Variants in AKAP13 observed in about 807,000 individuals in gnomAD.
AKAP13 encodes A-kinase anchoring protein 13, also known as A-kinase anchor protein 13.
A neutral mutation model predicts 264.5 loss-of-function variants in AKAP13; 80 were observed. That is an observed-to-expected ratio of 0.30 (90% CI 0.25 to 0.36). The LOEUF (loss-of-function observed/expected upper bound fraction) is 0.36. Ranked by LOEUF, AKAP13 falls within the 10% of genes least tolerant of loss-of-function variation. AKAP13 has a pLI of 1.00. For synonymous variants in AKAP13, 1,380 were observed against 1,250.2 expected, an observed-to-expected ratio of 1.10 and a Z score of -2.19; for missense variants, 3,712 against 3,435.2, an observed-to-expected ratio of 1.08 and a Z score of -2.01.
At chr15:85,653,721 G>A (rs1301444971) in intron 10 of AKAP13, among the ~76,000 whole-genome samples, 4 of 151,876 alleles carry the variant, frequency 2.6e-5, no homozygotes, top group Non-Finnish European at 5.9e-5. Context: ...GACTAATTTG[G>A]AAAATATTGT....
chr15:85,486,824 C>T (rs769985196), intron 2 of AKAP13, among the ~76,000 whole-genome samples: 4 of 149,096 alleles, frequency 2.7e-5, no homozygotes, highest in African/African-American at 4.9e-5. Flanking sequence ...CTGCGAGCTC[C>T]GCCTCCCAGG....
intron 1 of AKAP13, among the ~76,000 whole-genome samples, chr15:85,458,009 G>A (rs1196625234): frequency 1.3e-5 from 2 of 151,820 alleles, no homozygotes; most frequent in East Asian, 3.9e-4. Context: ...GTGTGGTGGC[G>A]CCCGCCTGTA....
At chr15:85,390,094 A>G (rs1174516591) in intron 1 of AKAP13, among the ~76,000 whole-genome samples, 2 of 152,150 alleles carry the variant, frequency 1.3e-5, no homozygotes, top group Non-Finnish European at 2.9e-5. Flanking sequence ...TATATGACAT[A>G]CCTTGTAGGG....
In AKAP13 at chr15:85,564,280, A is replaced by T. The variant is rs577138886; in HGVS notation, c.663-10851A>T. ...AAAAGATGCAAGAAACGTGCAATGA[A>T]CTCCTATATATCCTTCATCCAAATT... On this transcript the variant is annotated intron_variant, in intron 5 of 36. Transcript: ENST00000394518. 4.6e-5 allele frequency among the ~76,000 whole-genome samples: 7 copies of T among 152,128 alleles called. No homozygotes were observed. In the South Asian group the frequency reaches 1.5e-3, roughly 32 times the overall value.
At chr15:85,632,701 T>G (rs2081893635) in intron 8 of AKAP13, among the ~76,000 whole-genome samples, 1 of 152,204 alleles carries the variant, frequency 6.6e-6, no homozygotes, top group South Asian at 2.1e-4. Context: ...GTATATAATT[T>G]TGTAAAATAT....
rs774719753 is a variant in AKAP13, at chr15:85,669,824, T to C, written c.5095T>C (p.Leu1699=). 7 of 1,601,152 alleles carry C rather than the reference T, an allele frequency of 4.4e-6. No individual in the cohort carries two copies. The highest frequency in any genetic ancestry group is 6.0e-6 in the Non-Finnish European group (7 of 1,168,334). ...ATTAATGACAATCAGCCATCCTGGA[T>C]TGGACAGTGAGTATACTACTTTTTA... is the stretch of plus-strand genomic sequence containing the variant. ...ISLMTISHPG[L]DNSRPFHSTF... is the part of the protein sequence containing the mutation. The change falls in exon 14 of 37, where the codon TTG becomes CTG. Residue 1699 remains leucine, a synonymous_variant. Transcript: ENST00000394518.
At chr15:85,572,728 A>G (rs549400860) in intron 5 of AKAP13, among the ~76,000 whole-genome samples, 1 of 152,028 alleles carries the variant, frequency 6.6e-6, no homozygotes, top group South Asian at 2.1e-4. Flanking sequence ...GTGCAGGTTT[A>G]TTACATAGGT....
rs376849148 is a variant in AKAP13, at chr15:85,580,266, C to G, written c.2198C>G (p.Pro733Arg). The change falls in exon 7 of 37, where the codon CCT becomes CGT. Residue 733 changes from proline (P) to arginine (R), a missense_variant. Physicochemically the swap from Pro to Arg is moderately radical, Grantham distance 103. This residue lies in a region of AKAP13 where 2,759 missense variants were observed against 2,411.7 expected (regional missense o/e 1.14). Transcript: ENST00000394518. Reference sequence around the variant, plus strand: ...ACCCAGGAACGTGCGGATTTTTGTCCTTTCAAAGTGGTGGATAACAAAGGC... The same window carrying G: ...ACCCAGGAACGTGCGGATTTTTGTCGTTTCAAAGTGGTGGATAACAAAGGC... ...RDTQERADFC[P>R]FKVVDNKGQR... The G allele has an allele frequency of 1.2e-6, 2 of 1,614,064 alleles. No homozygotes were observed. The highest frequency in any genetic ancestry group is 2.7e-5 in the African/African-American group (2 of 74,914).
intron 1 of AKAP13, among the ~76,000 whole-genome samples, chr15:85,459,413 G>T (rs2074417727): frequency 6.8e-6 from 1 of 146,648 alleles, no homozygotes; most frequent in Non-Finnish European, 1.5e-5. Flanking sequence ...TGGCCAGGCT[G>T]GTTTTGAATG....
intron 2 of AKAP13, among the ~76,000 whole-genome samples, chr15:85,515,152 C>A (rs2076560380): frequency 7.2e-6 from 1 of 138,312 alleles, no homozygotes; most frequent in African/African-American, 2.9e-5. Context: ...AATTTTATAC[C>A]TTTTAACTTC....
chr15:85,608,699 T>G (rs2080464896), intron 8 of AKAP13, among the ~76,000 whole-genome samples: 1 of 152,206 alleles, frequency 6.6e-6, no homozygotes, highest in African/African-American at 2.4e-5. Context: ...ATGATTGTTC[T>G]GAGAGCCGGG....
intron 23 of AKAP13, among the ~76,000 whole-genome samples, chr15:85,720,393 T>C (rs1305679951): frequency 6.6e-6 from 1 of 152,124 alleles, no homozygotes; most frequent in Admixed American, 6.5e-5. Flanking sequence ...ATCTGTAAAA[T>C]GCTTAATAAA....
chr15:85,570,945 CATT>C (rs2078797200), intron 5 of AKAP13, among the ~76,000 whole-genome samples: 2 of 151,540 alleles, frequency 1.3e-5, no homozygotes, highest in Non-Finnish European at 2.9e-5. Flanking sequence ...TGGGGAAATG[CATT>C]GTTGTTGTTG....
intron 1 of AKAP13, among the ~76,000 whole-genome samples, chr15:85,437,383 C>T (rs2073361130): frequency 6.6e-6 from 1 of 152,162 alleles, no homozygotes; most frequent in Admixed American, 6.5e-5. Context: ...CTGAATTCTA[C>T]CAGAGACACA....
At chr15:85,495,560 T>G (rs1433145777) in intron 2 of AKAP13, among the ~76,000 whole-genome samples, 1 of 152,222 alleles carries the variant, frequency 6.6e-6, no homozygotes, top group East Asian at 1.9e-4. Context: ...CCAAACAGCA[T>G]ATTTTTGCCC....
intron 11 of AKAP13, 66 bp from the exon 12 acceptor site, chr15:85,658,471 G>A: frequency 7.1e-7 from 1 of 1,413,874 alleles, no homozygotes; most frequent in Non-Finnish European, 1.0e-6. Context: ...GTGTCTGTAT[G>A]TTTCATGCAT....
chr15:85,395,068 C>T (rs1460937691), intron 1 of AKAP13, among the ~76,000 whole-genome samples: 1 of 152,160 alleles, frequency 6.6e-6, no homozygotes, highest in Non-Finnish European at 1.5e-5. Flanking sequence ...ATGCAAGTTC[C>T]TTTTAATCAG....
At chr15:85,645,767 G>GT (rs755333780) in intron 9 of AKAP13, 51 bp from the exon 10 acceptor site, 184 of 1,427,082 alleles carry the variant, frequency 1.3e-4, no homozygotes, top group Non-Finnish European at 1.5e-4. Flanking sequence ...TTGTTTTTTG[G>GT]TTTTTTTGTT....
At position 85,749,157 on chromosome 15, in the gene AKAP13, G is replaced by A. The variant is rs564893593; in HGVS notation, c.*4480G>A. 46 of 152,370 alleles carry A rather than the reference G, an allele frequency of 3.0e-4. No homozygotes were observed. Among genetic ancestry groups the A allele is most frequent in the African/African-American group, 1.0e-3 (43 of 41,596 alleles). The allele number at this position is 152,370 out of a possible 1,614,324, so 9.4% of individuals were successfully genotyped here. A position where few individuals can be genotyped will look rare whatever the true frequency, so the allele number is the denominator to read the frequency against. On this transcript the variant is annotated 3_prime_UTR_variant, in exon 37 of 37. Transcript: ENST00000394518. ...AATAAAAAAGACGGGTTAAAACCCA[G>A]ATGCTGTATATTCATTTGTAATTAT...
Sources: gnomAD v4.1 joint callset for allele counts (sites outside exome capture counted in the v4.1 genomes callset) on GRCh38, gnomAD v4.1.1 for gene constraint, gnomAD v4.1.1 regional missense constraint, MANE v1.5 for transcripts, NCBI Gene and HGNC (gene_info 2026-07-23, HGNC 2026-07-21) for gene names.